The following PRSS23 variants were observed in gnomAD, a reference collection of about 807,000 sequenced individuals.
PRSS23 encodes the protein protease, serine 23.
A neutral mutation model predicts 34.7 loss-of-function variants in PRSS23; 25 were observed. The observed-to-expected ratio is 0.72, with a 90% CI of 0.53 to 1.01. The LOEUF is 1.01. Ranked by LOEUF, PRSS23 falls within the 50% of genes least tolerant of loss-of-function variation. The pLI is 0.00. For missense variants in PRSS23, 445 were observed against 475.6 expected (o/e 0.94, Z 0.60); for synonymous variants, 176 against 186.6 (o/e 0.94, Z 0.46).
chr11:86,930,789 C>A (rs1208893499), intron 2 of PRSS23, among the ~76,000 whole-genome samples: 16 of 123,974 alleles, frequency 1.3e-4, no homozygotes, highest in African/African-American at 3.3e-4. Flanking sequence ...GACTCCGTCT[C>A]AAAAAAAAAA....
chr11:86,808,440 G>C lies in PRSS23; in HGVS notation c.797G>C (p.Ser266Thr), dbSNP rs1243205032. 5.6e-6 allele frequency: 9 copies of C among 1,614,106 alleles called. No individual in the cohort carries two copies. The highest frequency in any genetic ancestry group is 1.3e-5 in the African/African-American group (1 of 74,938). ...HKRKFMKIGV[S>T]PPAKQLPGGR... Reference sequence around the variant, plus strand: ...AGAAAATTTATGAAGATTGGGGTGAGCCCTCCTGCTAAGCAGCTGCCAGGG... The same window carrying C: ...AGAAAATTTATGAAGATTGGGGTGACCCCTCCTGCTAAGCAGCTGCCAGGG... Residue 266 changes from serine to threonine, a missense_variant, in exon 2 of 2, where the codon AGC becomes ACC. Transcript: ENST00000280258.
chr11:86,878,849 G>C (rs1209288676), intron 2 of PRSS23, among the ~76,000 whole-genome samples: 1 of 151,636 alleles, frequency 6.6e-6, no homozygotes, highest in African/African-American at 2.4e-5. Context: ...ATCCCGTCTA[G>C]GAAGTGAGGA....
At position 86,853,242 on chromosome 11, in the gene PRSS23, CTTTTTTTTTTTTTTT is replaced by C. The variant is rs561682096; in HGVS notation, c.206+29667_206+29681del. Among the ~76,000 whole-genome samples the C allele has an allele frequency of 1.5e-4, 7 of 47,792 alleles. No homozygotes were observed. In the East Asian group the frequency reaches 3.1e-3, roughly 21 times the overall value. The allele number at this position is 47,792 out of a possible 152,430, so 31.4% of individuals were successfully genotyped here. A position where few individuals can be genotyped will look rare whatever the true frequency, so the allele number is the denominator to read the frequency against. On this transcript the variant is annotated intron_variant, in intron 2 of 2. Coordinates refer to the PRSS23 transcript ENST00000533902. ...TGCAGCCTGTGTCACAAGTGCCTGC[CTTTTTTTTTTTTTTT>C]TTTTTTTTTTTTTTTTTAATGGAGT...
rs567895267 is a variant in PRSS23, at chr11:86,854,356, T to C, written c.206+30763T>C. Among the ~76,000 whole-genome samples, 34 of 152,334 alleles carry C rather than the reference T, an allele frequency of 2.2e-4. 1 individual carries two copies. The South Asian group carries it at 6.6e-3, about 30-fold the overall frequency. ...AGTCTTCTGACCATTGTTAATGGGA[T>C]GCCTTGGGTTTCCTGTTGTTTACTT... On this transcript the variant is annotated intron_variant, in intron 2 of 2. Transcript: ENST00000533902.
chr11:86,946,079 G>C (rs1324143693), intron 2 of PRSS23: 1 of 152,370 alleles, frequency 6.6e-6, no homozygotes, highest in Non-Finnish European at 1.5e-5. Flanking sequence ...ATCATTTTTT[G>C]ACCTTTTCAA....
At chr11:86,917,231 A>T (rs866024313) in intron 2 of PRSS23, among the ~76,000 whole-genome samples, 6 of 152,240 alleles carry the variant, frequency 3.9e-5, no homozygotes, top group African/African-American at 1.4e-4. Flanking sequence ...AGGTAGGAGA[A>T]TCGCTTGAAC....
chr11:86,928,695 A>AT (rs1157319531), intron 2 of PRSS23, among the ~76,000 whole-genome samples: 6,820 of 43,948 alleles, frequency 0.16, 989 homozygotes, highest in East Asian at 0.21. Flanking sequence ...AAAAAAAAAA[A>AT]AAAAAAAAAA....
intron 2 of PRSS23, among the ~76,000 whole-genome samples, chr11:86,939,388 TCA>T (rs972825919): frequency 3.4e-4 from 29 of 84,582 alleles, no homozygotes; most frequent in Non-Finnish European, 6.9e-4. Context: ...TTCCTATTTC[TCA>T]GTTAAAAAAA....
At chr11:86,851,037 C>A (rs1408896464) in intron 2 of PRSS23, among the ~76,000 whole-genome samples, 2 of 152,156 alleles carry the variant, frequency 1.3e-5, no homozygotes, top group Non-Finnish European at 2.9e-5. Flanking sequence ...TAGGCAAGAA[C>A]CTTAGACGTT....
chr11:86,813,664 G>A (rs969076164), downstream of PRSS23, among the ~76,000 whole-genome samples: 92 of 147,880 alleles, frequency 6.2e-4, no homozygotes, highest in African/African-American at 2.3e-3. Context: ...CTAATAAAAT[G>A]TGTTAATATA....
At chr11:86,923,226 T>C (rs1328815803) in intron 2 of PRSS23, among the ~76,000 whole-genome samples, 1 of 151,204 alleles carries the variant, frequency 6.6e-6, no homozygotes, top group Non-Finnish European at 1.5e-5. Flanking sequence ...TGGGCTCAAG[T>C]GAGCCTTCCA....
At chr11:86,940,420 C>T (rs1368769795) in intron 2 of PRSS23, among the ~76,000 whole-genome samples, 2 of 152,298 alleles carry the variant, frequency 1.3e-5, no homozygotes, top group East Asian at 3.9e-4. Context: ...GTTGTGGCTT[C>T]TCTGAAAATC....
At chr11:86,795,974 G>T (rs547126096), upstream of PRSS23, among the ~76,000 whole-genome samples, 1 of 152,300 alleles carries the variant, frequency 6.6e-6, no homozygotes, top group Admixed American at 6.5e-5. Flanking sequence ...TTTAGAGTTA[G>T]TGCTGGTCAT....
Position 86,951,183 on chromosome 11 carries a change from C to A in PRSS23, c.207-33C>A. 1 of 1,614,054 alleles carries A rather than the reference C, an allele frequency of 6.2e-7. No homozygotes were observed. The highest frequency in any genetic ancestry group is 1.3e-5 in the African/African-American group (1 of 75,028). ...CTGCCTTTTCCAGGCTTCACCCAAC[C>A]ATTTCCTCTCTTCTCTCTCTTTACC... On this transcript the variant is annotated intron_variant, in intron 2 of 2. Coordinates refer to the PRSS23 transcript ENST00000533902.
chr11:86,811,741 T>G (rs1462944333), downstream of PRSS23, among the ~76,000 whole-genome samples: 1 of 152,106 alleles, frequency 6.6e-6, no homozygotes, highest in Non-Finnish European at 1.5e-5. Context: ...GCCTGGATCA[T>G]GTATTCAAGG....
chr11:86,951,627 A>G, exon 3 of PRSS23: 1 of 1,614,196 alleles, frequency 6.2e-7, no homozygotes, highest in Non-Finnish European at 8.5e-7. Flanking sequence ...CCAACATAGC[A>G]CAAGCCAGTC....
chr11:86,808,847 G>A lies in PRSS23; in HGVS notation c.*52G>A. 6.7e-7 allele frequency: 1 copy of A among 1,497,742 alleles called. No individual in the cohort carries two copies. Among genetic ancestry groups the A allele is most frequent in the Non-Finnish European group, 9.0e-7 (1 of 1,105,256 alleles). The allele number at this position is 1,497,742 out of a possible 1,614,324, so 92.8% of individuals were successfully genotyped here. A position where few individuals can be genotyped will look rare whatever the true frequency, so the allele number is the denominator to read the frequency against. ...AAGGGTCTTCATGTTCTTATTTTAGGAGAGGCCAAATTGTTTTTTGTCATT... is the reference window on the plus strand; with the variant it reads ...AAGGGTCTTCATGTTCTTATTTTAGAAGAGGCCAAATTGTTTTTTGTCATT... On this transcript the variant is annotated 3_prime_UTR_variant, in exon 2 of 2. Transcript: ENST00000280258.
intron 2 of PRSS23, among the ~76,000 whole-genome samples, chr11:86,863,599 A>G (rs565692229): frequency 1.3e-5 from 2 of 152,308 alleles, no homozygotes; most frequent in East Asian, 3.9e-4. Flanking sequence ...GCAGAATCCT[A>G]ACTTTCAGAA....
At chr11:86,862,872 C>A (rs1347427089) in intron 2 of PRSS23, among the ~76,000 whole-genome samples, 2 of 151,544 alleles carry the variant, frequency 1.3e-5, no homozygotes, top group Non-Finnish European at 2.9e-5. Context: ...TGATATTATT[C>A]ATAATATTCT....
Sources: allele counts gnomAD v4.1 joint callset (sites outside exome capture counted in the v4.1 genomes callset), GRCh38; gene constraint gnomAD v4.1.1; transcripts MANE v1.5; gene names NCBI Gene and HGNC (gene_info 2026-07-23, HGNC 2026-07-21).